Variants in GPD2 observed in about 807,000 individuals in gnomAD.
GPD2 encodes the protein glycerol-3-phosphate dehydrogenase, mitochondrial.
GPD2 carries 54 observed loss-of-function variants against 82.4 expected under a neutral mutation model. That is an observed-to-expected ratio of 0.66 (90% CI 0.53 to 0.82). GPD2 has a LOEUF of 0.82. GPD2 is among the 40% of genes least tolerant of loss of function. GPD2 has a pLI of 0.00. For synonymous variants in GPD2, 288 were observed against 306.1 expected, an observed-to-expected ratio of 0.94 and a Z score of 0.62; for missense variants, 748 against 896.2, an observed-to-expected ratio of 0.83 and a Z score of 2.11.
intron 13 of GPD2, among the ~76,000 whole-genome samples, chr2:156,576,465 A>AT (rs2105374042): frequency 1.1e-4 from 1 of 9,208 alleles, no homozygotes; most frequent in African/African-American, 1.7e-4. Flanking sequence ...TTAAGCTGTG[A>AT]TAAAAAAAAA....
At chr2:156,479,964 A>G (rs1683662840) in intron 2 of GPD2, among the ~76,000 whole-genome samples, 1 of 152,176 alleles carries the variant, frequency 6.6e-6, no homozygotes, top group Non-Finnish European at 1.5e-5. Flanking sequence ...AACCAACCCC[A>G]CTGGGAATGG....
At chr2:156,537,708 A>G (rs1686135663) in intron 6 of GPD2, among the ~76,000 whole-genome samples, 1 of 152,210 alleles carries the variant, frequency 6.6e-6, no homozygotes, top group Non-Finnish European at 1.5e-5. Flanking sequence ...ACATTCATTA[A>G]AACTGTTTTG....
intron 6 of GPD2, among the ~76,000 whole-genome samples, chr2:156,543,970 G>A (rs1334708107): frequency 5.3e-5 from 8 of 152,284 alleles, no homozygotes; most frequent in Non-Finnish European, 1.2e-4. Flanking sequence ...TATAAATGGG[G>A]ATTAACTTTA....
rs115326587 is a variant in GPD2 at position 156,570,163 on chromosome 2, G to T, written c.1553G>T (p.Arg518Met). ...VAKMASVTGK[R>M]WPIVGVRLVS... ...AAAATGGCAAGTGTGACTGGCAAAA[G>T]GTGGCCTATTGTTGGAGTACGTCTT... Residue 518 changes from arginine (R) to methionine (M), a missense_variant, in exon 12 of 17, where the codon AGG becomes ATG. By Grantham distance (91) the Arg-to-Met change is moderately conservative. Coordinates refer to ENST00000438166, the MANE Select transcript of GPD2 (RefSeq NM_000408.5). 1 of 1,612,842 alleles carries T rather than the reference G, an allele frequency of 6.2e-7. No individual in the cohort carries two copies. Among genetic ancestry groups the T allele is most frequent in the African/African-American group, 1.3e-5 (1 of 74,870 alleles).
At chr2:156,460,968 C>T (rs1682967304) in intron 1 of GPD2, among the ~76,000 whole-genome samples, 1 of 152,106 alleles carries the variant, frequency 6.6e-6, no homozygotes, top group Admixed American at 6.6e-5. Flanking sequence ...CTTGCATCTA[C>T]TCATTATGAA....
intron 1 of GPD2, among the ~76,000 whole-genome samples, chr2:156,451,924 G>C (rs1682614531): frequency 6.6e-6 from 1 of 151,380 alleles, no homozygotes; most frequent in East Asian, 2.0e-4. Context: ...CGGGGTCGCG[G>C]CCGGGCAGAG....
chr2:156,412,521 A>G, the GPD2 span, among the ~76,000 whole-genome samples: 61 of 151,532 alleles, frequency 4.0e-4, no homozygotes, highest in African/African-American at 1.4e-3. Flanking sequence ...TGTAATTTTG[A>G]TGGGGGCATT....
intron 6 of GPD2, among the ~76,000 whole-genome samples, chr2:156,537,811 ACT>A (rs1450704208): frequency 5.9e-5 from 9 of 152,338 alleles, no homozygotes; most frequent in Admixed American, 1.3e-4. Flanking sequence ...TTATTTTGAA[ACT>A]CTCACATATT....
chr2:156,467,734 A>G (rs1174038168), intron 1 of GPD2, among the ~76,000 whole-genome samples: 1 of 152,232 alleles, frequency 6.6e-6, no homozygotes, highest in Non-Finnish European at 1.5e-5. Context: ...CAACAACAAC[A>G]AAAGAGGAGA....
chr2:156,530,825 C>T (rs954232339), intron 6 of GPD2, among the ~76,000 whole-genome samples: 13 of 152,178 alleles, frequency 8.5e-5, no homozygotes, highest in Admixed American at 3.9e-4. Context: ...CTGCTGGATT[C>T]GGTTTTTTAA....
intron 1 of GPD2, among the ~76,000 whole-genome samples, chr2:156,467,062 T>C (rs1683173238): frequency 6.6e-6 from 1 of 152,326 alleles, no homozygotes. Flanking sequence ...GATATAAATA[T>C]AGTGTTTATT....
chr2:156,575,816 C>G (rs1340653606), intron 13 of GPD2, among the ~76,000 whole-genome samples: 10 of 152,116 alleles, frequency 6.6e-5, no homozygotes, highest in Non-Finnish European at 1.3e-4. Flanking sequence ...AGATTTATAA[C>G]CAGTTAAATG....
At chr2:156,403,028 C>CA in the GPD2 span, among the ~76,000 whole-genome samples, 1 of 137,936 alleles carries the variant, frequency 7.2e-6, no homozygotes. Flanking sequence ...TGGTGATGCT[C>CA]AAGTGGAAGG....
chr2:156,441,590 A>G (rs1199150167), intron 1 of GPD2, among the ~76,000 whole-genome samples: 3 of 152,080 alleles, frequency 2.0e-5, no homozygotes, highest in African/African-American at 7.2e-5. Flanking sequence ...AAGTAAGTAA[A>G]TTTCTGTTAG....
chr2:156,496,500 C>CAGTAAATACACAATATGCAGTCTATAGT, intron 3 of GPD2, among the ~76,000 whole-genome samples: 1 of 152,196 alleles, frequency 6.6e-6, no homozygotes, highest in Non-Finnish European at 1.5e-5. Context: ...TCCTTTCTCC[C>CAGTAAATACACAATATGCAGTCTATAGT]AGTAAATACA....
At chr2:156,448,210 G>A (rs1048221757) in intron 1 of GPD2, among the ~76,000 whole-genome samples, 2 of 151,510 alleles carry the variant, frequency 1.3e-5, no homozygotes, top group Non-Finnish European at 2.9e-5. Context: ...CCAGGTACAA[G>A]CAATTCTCTG....
intron 3 of GPD2, among the ~76,000 whole-genome samples, chr2:156,499,154 C>T (rs1420644944): frequency 1.3e-5 from 2 of 152,078 alleles, no homozygotes; most frequent in South Asian, 4.1e-4. Context: ...AGATGTTCTA[C>T]TTATGGGTGG....
At chr2:156,415,293 G>T in the GPD2 span, among the ~76,000 whole-genome samples, 5 of 151,526 alleles carry the variant, frequency 3.3e-5, no homozygotes, top group Non-Finnish European at 5.9e-5. Context: ...CGAGTAGCTG[G>T]TATTACACGC....
chr2:156,578,906 CAGGA>C lies in GPD2; in HGVS notation c.1788_1791del (p.Arg596SerfsTer16). 1 of 1,600,406 alleles carries C rather than the reference CAGGA, an allele frequency of 6.2e-7. No homozygotes were observed. The highest frequency in any genetic ancestry group is 8.6e-7 in the Non-Finnish European group (1 of 1,168,240). ...TGTTTTAGGAACAACTTGAAACAGC[CAGGA>C]AGTTTCTATATTATGAAATGGGCTA... On this transcript the variant is annotated frameshift_variant, in exon 14 of 17. Transcript: ENST00000438166. LOFTEE classifies it high-confidence loss of function.
Sources: gnomAD v4.1 joint callset for allele counts (sites outside exome capture counted in the v4.1 genomes callset) on GRCh38, gnomAD v4.1.1 for gene constraint, MANE v1.5 for transcripts, NCBI Gene and HGNC (gene_info 2026-07-23, HGNC 2026-07-21) for gene names.